The following MAPRE3 variants were observed in gnomAD, a reference collection of about 807,000 sequenced individuals.
The protein encoded by MAPRE3 is microtubule-associated protein RP/EB family member 3.
In MAPRE3, 2 loss-of-function variants were observed where a neutral mutation model predicts 30.5. The observed-to-expected ratio is 0.07, with a 90% CI of 0.03 to 0.21. MAPRE3 has a LOEUF of 0.21. Ranked by LOEUF, MAPRE3 falls within the 10% of genes least tolerant of loss-of-function variation. The probability of loss-of-function intolerance (pLI) is 1.00; values close to 1 mark genes in which losing one functional copy is unlikely to be tolerated. For synonymous variants in MAPRE3, 110 were observed against 127.7 expected (o/e 0.86, Z 0.93); for missense variants, 204 against 351.8 (o/e 0.58, Z 3.36).
At chr2:27,021,250 G>A (rs563521714) in intron 1 of MAPRE3, among the ~76,000 whole-genome samples, 6 of 152,280 alleles carry the variant, frequency 3.9e-5, no homozygotes, top group African/African-American at 7.2e-5. Flanking sequence ...AAGGGACAAC[G>A]GTATGCATAA....
chr2:26,976,958 T>C (rs1441316761), intron 1 of MAPRE3, among the ~76,000 whole-genome samples: 1 of 152,152 alleles, frequency 6.6e-6, no homozygotes, highest in Non-Finnish European at 1.5e-5. Flanking sequence ...ATATCAAACA[T>C]TGAAAACAAC....
At chr2:27,011,416 T>C (rs1005999679) in intron 1 of MAPRE3, among the ~76,000 whole-genome samples, 1 of 152,206 alleles carries the variant, frequency 6.6e-6, no homozygotes, top group African/African-American at 2.4e-5. Flanking sequence ...TATAAATTAC[T>C]CTTACCTCTT....
At chr2:27,001,509 CATAGATAG>C (rs558736050) in intron 1 of MAPRE3, among the ~76,000 whole-genome samples, 2 of 151,928 alleles carry the variant, frequency 1.3e-5, no homozygotes, top group African/African-American at 2.4e-5. Context: ...TCCCATCATT[CATAGATAG>C]ATAGATAGAT....
At chr2:27,026,077 C>T (rs1399037240) in intron 6 of MAPRE3, 45 bp downstream of exon 6, 1 of 1,608,572 alleles carries the variant, frequency 6.2e-7, no homozygotes, top group Non-Finnish European at 8.5e-7. Context: ...TCTGGCCTGG[C>T]CCTAAGACCA....
chr2:27,000,097 G>T (rs915690084), intron 1 of MAPRE3, among the ~76,000 whole-genome samples: 2 of 152,156 alleles, frequency 1.3e-5, no homozygotes, highest in Admixed American at 6.5e-5. Flanking sequence ...AAATTTTTAA[G>T]ATGCTAATAA....
At chr2:27,004,832 C>A (rs1306338923) in intron 1 of MAPRE3, among the ~76,000 whole-genome samples, 2 of 150,926 alleles carry the variant, frequency 1.3e-5, no homozygotes, top group Non-Finnish European at 1.5e-5. Context: ...GGTGAGAATT[C>A]CTCAGCAGGA....
At chr2:26,991,177 CG>C (rs1398701280) in intron 1 of MAPRE3, among the ~76,000 whole-genome samples, 1 of 152,100 alleles carries the variant, frequency 6.6e-6, no homozygotes, top group Admixed American at 6.5e-5. Context: ...TGGTGTGAAC[CG>C]GGAAGGCAGA....
chr2:27,026,139 G>A, intron 6 of MAPRE3, 107 bp downstream of exon 6: 2 of 1,469,914 alleles, frequency 1.4e-6, no homozygotes, highest in Non-Finnish European at 1.9e-6. Context: ...TGATGAGAGA[G>A]AGGTGAAGTC....
intron 1 of MAPRE3, among the ~76,000 whole-genome samples, chr2:27,021,830 C>A (rs1255302527): frequency 1.3e-5 from 2 of 152,194 alleles, no homozygotes; most frequent in Non-Finnish European, 2.9e-5. Flanking sequence ...TTCTCAGGCT[C>A]CAACATCTCT....
intron 1 of MAPRE3, among the ~76,000 whole-genome samples, chr2:26,972,171 C>T (rs757812477): frequency 6.6e-6 from 1 of 152,162 alleles, no homozygotes; most frequent in Non-Finnish European, 1.5e-5. Context: ...TTAGAAAGCA[C>T]GTGTAAATAT....
intron 1 of MAPRE3, among the ~76,000 whole-genome samples, chr2:27,016,368 C>T (rs1037889363): frequency 7.5e-5 from 11 of 147,490 alleles, no homozygotes; most frequent in Non-Finnish European, 1.6e-4. Context: ...TTAAGAGTTT[C>T]GTCAGGTTAT....
intron 1 of MAPRE3, among the ~76,000 whole-genome samples, chr2:27,021,293 G>A (rs1667105949): frequency 6.6e-6 from 1 of 152,194 alleles, no homozygotes. Context: ...GGCGAATTGA[G>A]GAAGTCGGGT....
rs1046892226 is a variant in MAPRE3 at position 27,026,170 on chromosome 2, T to C, written c.778-110T>C. ...AAGTCACTAGCCCAGGGTCACCCATTAGCAGGGCTCCTGGACTCCTGACCC... is the reference window on the plus strand; with the variant it reads ...AAGTCACTAGCCCAGGGTCACCCATCAGCAGGGCTCCTGGACTCCTGACCC... On this transcript the variant is annotated intron_variant, in intron 6 of 6. Coordinates refer to ENST00000233121, the MANE Select transcript of MAPRE3 (RefSeq NM_012326.4). The C allele has an allele frequency of 3.6e-6, 5 of 1,375,952 alleles. No homozygotes were observed. In the African/African-American group the frequency reaches 7.2e-5, roughly 20 times the overall value. 85.2% of individuals were successfully genotyped at this position (1,375,952 alleles called of 1,614,324 possible).
chr2:26,992,727 A>G (rs1224873338), intron 1 of MAPRE3, among the ~76,000 whole-genome samples: 2 of 152,168 alleles, frequency 1.3e-5, no homozygotes, highest in East Asian at 3.9e-4. Flanking sequence ...CCCCACTGCA[A>G]TCATGAAATG....
chr2:26,990,152 C>T lies in MAPRE3; in HGVS notation c.-8+19350C>T, dbSNP rs149927425. 5.6e-4 allele frequency among the ~76,000 whole-genome samples: 85 copies of T among 152,216 alleles called. 1 individual carries two copies. The East Asian group carries it at 8.1e-3, about 14-fold the overall frequency. ...CTGAACCATTGCCCTCCAGCCTGGG[C>T]GACAAAGCAAGACTGTCTTGAAAAC... On this transcript the variant is annotated intron_variant, in intron 1 of 6. Transcript: ENST00000233121.
rs764724238 is a variant in MAPRE3, at chr2:27,023,582, CG to C, written c.267+106del. On this transcript the variant is annotated intron_variant, in intron 3 of 6. Coordinates refer to ENST00000233121, the MANE Select transcript of MAPRE3 (RefSeq NM_012326.4). ...GGGCTGCTGGGGTCATTCCGGTGCT[CG>C]TGCCTCCCTCCACCTCCCGACTCTC... 3.9e-5 allele frequency: 55 copies of C among 1,414,256 alleles called. 1 individual carries two copies. The Admixed American group carries it at 7.5e-4, about 19-fold the overall frequency. 87.6% of individuals were successfully genotyped at this position (1,414,256 alleles called of 1,614,324 possible).
In MAPRE3 at chr2:26,986,862, G is replaced by A. The variant is rs2148202280; in HGVS notation, c.-8+16060G>A. 6.6e-6 allele frequency: 1 copy of A among 152,454 alleles called. No homozygotes were observed. The highest frequency in any genetic ancestry group is 6.5e-5 in the Admixed American group (1 of 15,292). The allele number at this position is 152,454 out of a possible 1,614,324, so 9.4% of individuals were successfully genotyped here. ...TGCTTGTTTGAATGGAGAGTGAGAG[G>A]GCTGTGGGAGATGCTATGGAAGATG... is the stretch of plus-strand genomic sequence containing the variant. On this transcript the variant is annotated intron_variant, in intron 1 of 6. Coordinates refer to ENST00000233121, the MANE Select transcript of MAPRE3 (RefSeq NM_012326.4). The surrounding 1 kb of genome is among the most constrained non-coding windows in gnomAD (Gnocchi z 4.2).
rs1433089610 is a variant in MAPRE3, at chr2:27,015,754, G to A, written c.-7-6458G>A. Among the ~76,000 whole-genome samples, 2 of 152,202 alleles carry A rather than the reference G, an allele frequency of 1.3e-5. No individual in the cohort carries two copies. The highest frequency in any genetic ancestry group is 2.4e-5 in the African/African-American group (1 of 41,440). ...TTAAATAATAGAATGTGAAATTTCA[G>A]TTGTGCAGACTTATTGGCCATCTTT... On this transcript the variant is annotated intron_variant, in intron 1 of 6. Transcript: ENST00000233121. This position sits in a 1 kb window ranked among gnomAD's most constrained non-coding sequence, Gnocchi z 4.0.
intron 1 of MAPRE3, among the ~76,000 whole-genome samples, chr2:27,011,615 G>A (rs577411301): frequency 1.8e-3 from 280 of 152,186 alleles, no homozygotes; most frequent in Non-Finnish European, 3.2e-3. Flanking sequence ...GGAGGCTGAG[G>A]CAGGTGGATC....
Sources: allele counts gnomAD v4.1 joint callset (sites outside exome capture counted in the v4.1 genomes callset), GRCh38; gene constraint gnomAD v4.1.1; non-coding constraint Gnocchi (gnomAD v3.1); transcripts MANE v1.5; gene names NCBI Gene and HGNC (gene_info 2026-07-23, HGNC 2026-07-21).